GCA: variants seen among roughly 807,000 people sequenced by gnomAD.
GCA encodes grancalcin, EF-hand calcium-binding protein.
A neutral mutation model predicts 32.6 loss-of-function variants in GCA; 30 were observed. That is an observed-to-expected ratio of 0.92 (90% CI 0.69 to 1.25). The LOEUF (loss-of-function observed/expected upper bound fraction) is 1.25, where lower values mean the gene tolerates loss of function less well. Ranked by LOEUF, GCA falls within the 50% of genes most tolerant of loss-of-function variation. The pLI, the probability that GCA is intolerant of heterozygous loss-of-function variation, is 0.00. For missense variants in GCA, 291 were observed against 266.8 expected, an observed-to-expected ratio of 1.09 and a Z score of -0.63; for synonymous variants, 102 against 84.6, an observed-to-expected ratio of 1.21 and a Z score of -1.13.
downstream of GCA, among the ~76,000 whole-genome samples, chr2:162,374,912 TTG>T (rs1686107346): frequency 6.6e-6 from 1 of 152,118 alleles, no homozygotes; most frequent in African/African-American, 2.4e-5. Flanking sequence ...AAGGGAAAAA[TTG>T]AGTTATCAAC....
intron 1 of GCA, among the ~76,000 whole-genome samples, chr2:162,338,917 A>G (rs1684356924): frequency 6.6e-6 from 1 of 152,208 alleles, no homozygotes; most frequent in Non-Finnish European, 1.5e-5. Context: ...TATACCAATC[A>G]TCACCTTTCT....
downstream of GCA, chr2:162,372,147 C>T (rs1438376639): frequency 7.1e-7 from 1 of 1,405,698 alleles, no homozygotes; most frequent in Non-Finnish European, 9.8e-7. Flanking sequence ...GATAGATAGT[C>T]ATTGAAAATT....
downstream of GCA, chr2:162,373,638 G>C (rs757752754): frequency 6.5e-7 from 1 of 1,530,202 alleles, no homozygotes. Context: ...TGGTCTGGAT[G>C]TCAGTGGTCA....
chr2:162,331,004 A>C (rs142287762), intron 1 of GCA, among the ~76,000 whole-genome samples: 3 of 152,194 alleles, frequency 2.0e-5, no homozygotes, highest in Non-Finnish European at 4.4e-5. Context: ...ATTCACAACC[A>C]ATTGCACTAT....
At chr2:162,335,374 C>T (rs1178808584) in intron 1 of GCA, among the ~76,000 whole-genome samples, 13 of 149,250 alleles carry the variant, frequency 8.7e-5, no homozygotes, top group African/African-American at 2.7e-4. Flanking sequence ...GAGATCACAC[C>T]GCTGCACTCC....
intron 4 of GCA, among the ~76,000 whole-genome samples, chr2:162,369,133 A>G (rs1389557247): frequency 6.6e-6 from 1 of 152,054 alleles, no homozygotes; most frequent in Non-Finnish European, 1.5e-5. Flanking sequence ...CAGCAGTTCA[A>G]CCTGGCTCTC....
At chr2:162,363,648 CTT>C (rs534859396), downstream of GCA, among the ~76,000 whole-genome samples, 113 of 151,464 alleles carry the variant, frequency 7.5e-4, no homozygotes, top group Non-Finnish European at 1.3e-3. Context: ...CACTGGGAAA[CTT>C]AGGAAAAATA....
intron 1 of GCA, among the ~76,000 whole-genome samples, chr2:162,324,788 T>C (rs1683816262): frequency 6.6e-6 from 1 of 152,206 alleles, no homozygotes; most frequent in South Asian, 2.1e-4. Flanking sequence ...CCATATCATT[T>C]ATCCCCTCTG....
chr2:162,362,401 T>C lies in GCA; in HGVS notation c.*2158T>C. The C allele has an allele frequency of 1.0e-6, 1 of 973,910 alleles. No individual in the cohort carries two copies. Among genetic ancestry groups the C allele is most frequent in the Non-Finnish European group, 1.2e-6 (1 of 819,726 alleles). The allele number at this position is 973,910 out of a possible 1,614,324, so 60.3% of individuals were successfully genotyped here. A position where few individuals can be genotyped will look rare whatever the true frequency, so the allele number is the denominator to read the frequency against. On this transcript the variant is annotated 3_prime_UTR_variant, in exon 8 of 8. Transcript: ENST00000437150. The stretch of plus-strand genomic sequence containing the variant: ...TTTTACCAGAATTTTTATACTGAAA[T>C]ACAGTTCACTTTTTCGATGCTTTAA...
intron 5 of GCA, among the ~76,000 whole-genome samples, chr2:162,357,937 T>A (rs542761107): frequency 2.0e-5 from 3 of 151,842 alleles, no homozygotes; most frequent in Non-Finnish European, 4.4e-5. Flanking sequence ...AATCTAGGAA[T>A]TTTATCAGTA....
At chr2:162,348,581 G>A (rs1172718455) in intron 2 of GCA, among the ~76,000 whole-genome samples, 1 of 152,126 alleles carries the variant, frequency 6.6e-6, no homozygotes. Flanking sequence ...TTTGTTTCCA[G>A]TAAATTTGAG....
At chr2:162,367,928 A>G (rs1398699823), downstream of GCA, among the ~76,000 whole-genome samples, 8 of 152,022 alleles carry the variant, frequency 5.3e-5, no homozygotes, top group African/African-American at 1.4e-4. Flanking sequence ...TAACTTGCTC[A>G]AGGTCACACA....
upstream of GCA, among the ~76,000 whole-genome samples, chr2:162,339,225 G>A (rs1039291882): frequency 1.3e-5 from 2 of 152,070 alleles, no homozygotes; most frequent in South Asian, 4.1e-4. Flanking sequence ...ATAAAATTAT[G>A]ACTGGATGGC....
chr2:162,325,977 G>A (rs1188155342), intron 1 of GCA, among the ~76,000 whole-genome samples: 2 of 152,108 alleles, frequency 1.3e-5, no homozygotes, highest in Admixed American at 6.5e-5. Context: ...GTTTGTTTAG[G>A]GTGAGGATTT....
In GCA at chr2:162,360,831, A is replaced by G. The variant is rs2105355751; in HGVS notation, c.*588A>G. ...GTAGTGAAATAAGACTACAGAAGGC[A>G]TTGTTTTTTCCTTTTTTATTTTTTG... On this transcript the variant is annotated 3_prime_UTR_variant, in exon 8 of 8. Coordinates refer to ENST00000437150, the MANE Select transcript of GCA (RefSeq NM_012198.5). 8 of 1,207,866 alleles carry G rather than the reference A, an allele frequency of 6.6e-6. No individual in the cohort carries two copies. The highest frequency in any genetic ancestry group is 8.4e-6 in the Non-Finnish European group (8 of 954,210). The allele number at this position is 1,207,866 out of a possible 1,614,324, so 74.8% of individuals were successfully genotyped here.
chr2:162,373,404 C>T, downstream of GCA: 1 of 1,153,934 alleles, frequency 8.7e-7, no homozygotes, highest in East Asian at 2.8e-5. Context: ...CCAAGTGATT[C>T]TGATTAGGTG....
At chr2:162,346,217 TA>T (rs574099817) in intron 1 of GCA, among the ~76,000 whole-genome samples, 1 of 151,726 alleles carries the variant, frequency 6.6e-6, no homozygotes, top group African/African-American at 2.4e-5. Flanking sequence ...TTTTCAATAA[TA>T]AAAAAACATT....
chr2:162,340,769 T>C (rs753749326), upstream of GCA, among the ~76,000 whole-genome samples: 2 of 152,214 alleles, frequency 1.3e-5, no homozygotes, highest in Non-Finnish European at 1.5e-5. Context: ...ATTCTTCAAA[T>C]AGGTCAGGCA....
At chr2:162,356,588 A>G in intron 4 of GCA, 107 bp downstream of exon 4, 1 of 873,904 alleles carries the variant, frequency 1.1e-6, no homozygotes, top group Non-Finnish European at 1.9e-6. Context: ...TGAATTTAAA[A>G]ATACTTTGTA....
Sources: allele counts gnomAD v4.1 joint callset (sites outside exome capture counted in the v4.1 genomes callset), GRCh38; gene constraint gnomAD v4.1.1; transcripts MANE v1.5; gene names NCBI Gene and HGNC (gene_info 2026-07-23, HGNC 2026-07-21).